CEP128: variants seen among roughly 807,000 people sequenced by gnomAD.
The protein encoded by CEP128 is centrosomal protein 128kDa.
A neutral mutation model predicts 156.7 loss-of-function variants in CEP128; 132 were observed. The observed-to-expected ratio is 0.84, with a 90% CI of 0.73 to 0.97. The LOEUF (loss-of-function observed/expected upper bound fraction) is 0.97. Ranked by LOEUF, CEP128 falls within the 50% of genes least tolerant of loss-of-function variation. The pLI, the probability that CEP128 is intolerant of heterozygous loss-of-function variation, is 0.00. For missense variants in CEP128, 1,252 were observed against 1,281.9 expected, an observed-to-expected ratio of 0.98 and a Z score of 0.36; for synonymous variants, 469 against 448.9, an observed-to-expected ratio of 1.04 and a Z score of -0.57.
chr14:80,629,291 A>T (rs1384347611), intron 19 of CEP128, among the ~76,000 whole-genome samples: 1 of 152,184 alleles, frequency 6.6e-6, no homozygotes, highest in African/African-American at 2.4e-5. Flanking sequence ...TGTAAAATAT[A>T]CATAAGAATT....
chr14:80,485,441 G>A (rs536266613), intron 14 of CEP128, among the ~76,000 whole-genome samples: 1 of 152,122 alleles, frequency 6.6e-6, no homozygotes, highest in Non-Finnish European at 1.5e-5. Flanking sequence ...AAATATGAAT[G>A]AGTAATGAAA....
At chr14:80,809,996 C>G (rs1884412312) in intron 13 of CEP128, among the ~76,000 whole-genome samples, 2 of 151,806 alleles carry the variant, frequency 1.3e-5, no homozygotes, top group African/African-American at 4.8e-5. Flanking sequence ...AGGACAACAA[C>G]AAGGACAATA....
At chr14:80,801,354 T>C (rs1325913785) in intron 13 of CEP128, among the ~76,000 whole-genome samples, 1 of 150,786 alleles carries the variant, frequency 6.6e-6, no homozygotes, top group African/African-American at 2.4e-5. Flanking sequence ...GCCCATTCAA[T>C]ATGATATTGG....
chr14:80,939,217 T>C (rs1886010440), intron 2 of CEP128, among the ~76,000 whole-genome samples, 168 bp downstream of exon 2: 1 of 152,264 alleles, frequency 6.6e-6, no homozygotes, highest in Non-Finnish European at 1.5e-5. Context: ...ACTTTGTTCA[T>C]CTGAATTTTT....
At chr14:80,715,824 T>C (rs1416350988) in intron 19 of CEP128, among the ~76,000 whole-genome samples, 1 of 152,196 alleles carries the variant, frequency 6.6e-6, no homozygotes, top group Admixed American at 6.5e-5. Context: ...ATGGGGATAG[T>C]AATAGCACCT....
downstream of CEP128, among the ~76,000 whole-genome samples, chr14:80,493,151 A>T (rs1429336882): frequency 6.6e-6 from 1 of 152,194 alleles, no homozygotes; most frequent in East Asian, 1.9e-4. Context: ...GTGGGGTCCT[A>T]TGGGGCTACA....
rs185951816 is a variant in CEP128, at chr14:80,698,098, C to T, written c.2806+44977G>A. Among the ~76,000 whole-genome samples, 84 of 151,980 alleles carry T rather than the reference C, an allele frequency of 5.5e-4. 1 individual carries two copies. The highest frequency in any genetic ancestry group is 3.4e-3 in the Middle Eastern group (1 of 292). On this transcript the variant is annotated intron_variant, in intron 19 of 24. Transcript: ENST00000555265. ...TTTATCATCAAATTTCTATTAAATTCTTAAAAATGTTTTAGGAATCATTAT... is the reference window on the plus strand; with the variant it reads ...TTTATCATCAAATTTCTATTAAATTTTTAAAAATGTTTTAGGAATCATTAT...
chr14:80,570,058 C>A lies in CEP128; in HGVS notation c.2856+10316G>T, dbSNP rs150558234. Among the ~76,000 whole-genome samples the A allele has an allele frequency of 2.3e-3, 352 of 152,220 alleles. 1 individual carries two copies. Among genetic ancestry groups the A allele is most frequent in the African/African-American group, 8.2e-3 (339 of 41,544 alleles). On this transcript the variant is annotated intron_variant, in intron 20 of 24. Coordinates refer to ENST00000555265, the MANE Select transcript of CEP128 (RefSeq NM_152446.5). ...TTTATATTACTAGTACCATAAAAAT[C>A]AAAACTATTTATTGTAAGTTTAATT... is the stretch of plus-strand genomic sequence containing the variant.
intron 19 of CEP128, among the ~76,000 whole-genome samples, chr14:80,719,939 G>A (rs764048250): frequency 2.0e-5 from 3 of 152,150 alleles, no homozygotes; most frequent in African/African-American, 4.8e-5. Context: ...GCATATATAT[G>A]CAAATAAAAT....
intron 21 of CEP128, among the ~76,000 whole-genome samples, chr14:80,551,146 CTT>C (rs1414939144): frequency 2.0e-5 from 3 of 152,124 alleles, no homozygotes; most frequent in African/African-American, 7.2e-5. Context: ...ACAAAGTTCT[CTT>C]TTGACTTTGT....
chr14:80,557,198 A>T (rs1003358914), intron 21 of CEP128, among the ~76,000 whole-genome samples: 1 of 152,206 alleles, frequency 6.6e-6, no homozygotes, highest in Non-Finnish European at 1.5e-5. Flanking sequence ...AGATAAAAAC[A>T]ATTAACAAAT....
At chr14:80,582,081 T>G (rs952522609) in intron 19 of CEP128, among the ~76,000 whole-genome samples, 4 of 152,196 alleles carry the variant, frequency 2.6e-5, no homozygotes, top group African/African-American at 9.6e-5. Flanking sequence ...AACAGACACA[T>G]GGTCTAGGAC....
intron 23 of CEP128, among the ~76,000 whole-genome samples, chr14:80,508,814 A>G (rs1888107960): frequency 1.3e-5 from 2 of 152,250 alleles, no homozygotes; most frequent in South Asian, 4.1e-4. Flanking sequence ...TTTATGGAGT[A>G]CATGAGGTAT....
intron 19 of CEP128, among the ~76,000 whole-genome samples, chr14:80,646,351 A>ATT (rs1224375914): frequency 6.9e-6 from 1 of 145,018 alleles, no homozygotes. Context: ...AAATGAAGTC[A>ATT]TTTTTTTTTT....
At chr14:80,547,862 G>A (rs918538463) in intron 21 of CEP128, among the ~76,000 whole-genome samples, 1 of 149,630 alleles carries the variant, frequency 6.7e-6, no homozygotes, top group Non-Finnish European at 1.5e-5. Flanking sequence ...GCAATGGCAC[G>A]ATCTCAGCTC....
At chr14:80,782,933 T>C (rs540834483) in intron 15 of CEP128, among the ~76,000 whole-genome samples, 63 of 152,322 alleles carry the variant, frequency 4.1e-4, no homozygotes, top group African/African-American at 1.4e-3. Context: ...GTAAATTCTT[T>C]CCTTAAAACA....
chr14:80,863,645 CAG>C (rs1414117360), intron 8 of CEP128, among the ~76,000 whole-genome samples: 1 of 152,112 alleles, frequency 6.6e-6, no homozygotes, highest in African/African-American at 2.4e-5. Context: ...CATAAGGACA[CAG>C]AAGACATTTG....
chr14:80,528,638 G>A (rs1453932274), intron 22 of CEP128, among the ~76,000 whole-genome samples: 1 of 152,112 alleles, frequency 6.6e-6, no homozygotes, highest in African/African-American at 2.4e-5. Flanking sequence ...AATAAAGTCA[G>A]GCCTATCTAA....
At chr14:80,917,240 TCA>T (rs1438441533) in intron 2 of CEP128, among the ~76,000 whole-genome samples, 1 of 152,170 alleles carries the variant, frequency 6.6e-6, no homozygotes, top group Non-Finnish European at 1.5e-5. Context: ...CATCCTTACC[TCA>T]GTTTTCTATT....
Sources: gnomAD v4.1 joint callset for allele counts (sites outside exome capture counted in the v4.1 genomes callset) on GRCh38, gnomAD v4.1.1 for gene constraint, MANE v1.5 for transcripts, NCBI Gene and HGNC (gene_info 2026-07-23, HGNC 2026-07-21) for gene names.